DTX3L: variants seen among roughly 807,000 people sequenced by gnomAD.
DTX3L encodes deltex E3 ubiquitin ligase 3L.
A neutral mutation model predicts 60.9 loss-of-function variants in DTX3L; 34 were observed. The observed-to-expected ratio is 0.56, with a 90% CI of 0.42 to 0.74. The LOEUF (loss-of-function observed/expected upper bound fraction) is 0.74. Ranked by LOEUF, DTX3L falls within the 30% of genes least tolerant of loss-of-function variation. The pLI is 0.00. For synonymous variants in DTX3L, 290 were observed against 316.6 expected, an observed-to-expected ratio of 0.92 and a Z score of 0.89; for missense variants, 810 against 874.0, an observed-to-expected ratio of 0.93 and a Z score of 0.92.
chr3:122,571,908 G>A lies in DTX3L; in HGVS notation c.*161G>A, dbSNP rs1490355542. On this transcript the variant is annotated 3_prime_UTR_variant, in exon 5 of 5. Transcript: ENST00000296161. ...AACAATCTGCTAGTCTGTCATTTCT[G>A]GAGTGATACTTTTTTTTTTGAGACG... 8.7e-6 allele frequency: 5 copies of A among 577,794 alleles called. No homozygotes were observed. The highest frequency in any genetic ancestry group is 3.7e-5 in the African/African-American group (2 of 53,380). 35.8% of individuals were successfully genotyped at this position (577,794 alleles called of 1,614,324 possible).
chr3:122,566,215 A>G, intron 2 of DTX3L, 145 bp downstream of exon 2: 1 of 692,266 alleles, frequency 1.4e-6, no homozygotes, highest in Non-Finnish European at 2.4e-6. Context: ...GATGAATATA[A>G]CAGACAAGGC....
At chr3:122,570,919 A>G (rs940791900) in intron 4 of DTX3L, among the ~76,000 whole-genome samples, 4 of 152,186 alleles carry the variant, frequency 2.6e-5, no homozygotes, top group South Asian at 2.1e-4. Context: ...TGAATCCGAG[A>G]TGAATACTAT....
rs9883767 is a variant in DTX3L at position 122,573,277 on chromosome 3, A to G, written c.*1530A>G. ...GCTTCACCTCCAACACTGAGGATCA[A>G]ATTTCAACATGAGATTTGGAGGAGG... On this transcript the variant is annotated 3_prime_UTR_variant, in exon 5 of 5. Coordinates refer to ENST00000296161, the MANE Select transcript of DTX3L (RefSeq NM_138287.3). 27,142 of 152,172 alleles carry G rather than the reference A, an allele frequency of 0.18. 3,193 individuals carry two copies. The highest frequency in any genetic ancestry group is 0.33 in the African/African-American group (13,699 of 41,468). 9.4% of individuals were successfully genotyped at this position (152,172 alleles called of 1,614,324 possible). A position where few individuals can be genotyped will look rare whatever the true frequency, so the allele number is the denominator to read the frequency against.
In DTX3L at chr3:122,572,468, A is replaced by G. The variant is rs978500552; in HGVS notation, c.*721A>G. 19 of 152,142 alleles carry G rather than the reference A, an allele frequency of 1.2e-4. No homozygotes were observed. Among genetic ancestry groups the G allele is most frequent in the African/African-American group, 4.6e-4 (19 of 41,422 alleles). The allele number at this position is 152,142 out of a possible 1,614,324, so 9.4% of individuals were successfully genotyped here. A position where few individuals can be genotyped will look rare whatever the true frequency, so the allele number is the denominator to read the frequency against. ...GAAATTCTATTGTAAATGGGAGGAA[A>G]AAGGGTTGGTTGTGAAAAATTAAAG... On this transcript the variant is annotated 3_prime_UTR_variant, in exon 5 of 5. Coordinates refer to ENST00000296161, the MANE Select transcript of DTX3L (RefSeq NM_138287.3).
intron 1 of DTX3L, 43 bp downstream of exon 1, chr3:122,564,656 C>G (rs1412274251): frequency 6.4e-6 from 10 of 1,556,218 alleles, no homozygotes; most frequent in Non-Finnish European, 8.7e-6. Context: ...TCTGGGGGCC[C>G]GGCCCCCGGG....
rs1328882010 is a variant in DTX3L at position 122,564,417 on chromosome 3, G to A, written c.-10G>A. ...CCCGGAGCCCCCGCGCCCTCCCGAC[G>A]CGCAGAGCCATGGCCTCCCACCTGC... On this transcript the variant is annotated 5_prime_UTR_variant, in exon 1 of 5. Coordinates refer to ENST00000296161, the MANE Select transcript of DTX3L (RefSeq NM_138287.3). 3 of 1,604,354 alleles carry A rather than the reference G, an allele frequency of 1.9e-6. No individual in the cohort carries two copies. Among genetic ancestry groups the A allele is most frequent in the Admixed American group, 1.7e-5 (1 of 59,074 alleles).
chr3:122,571,881 A>T lies in DTX3L; in HGVS notation c.*134A>T, dbSNP rs1417417152. 2.9e-6 allele frequency: 2 copies of T among 690,550 alleles called. No individual in the cohort carries two copies. Among genetic ancestry groups the T allele is most frequent in the African/African-American group, 3.6e-5 (2 of 55,338 alleles). The allele number at this position is 690,550 out of a possible 1,614,324, so 42.8% of individuals were successfully genotyped here. On this transcript the variant is annotated 3_prime_UTR_variant, in exon 5 of 5. Transcript: ENST00000296161. ...TTCTCAAGAAATGGTTTGTATAAGAATAACAATCTGCTAGTCTGTCATTTC... is the reference window on the plus strand; with the variant it reads ...TTCTCAAGAAATGGTTTGTATAAGATTAACAATCTGCTAGTCTGTCATTTC...
intron 2 of DTX3L, among the ~76,000 whole-genome samples, chr3:122,567,382 A>G (rs574708983): frequency 6.6e-6 from 1 of 152,316 alleles, no homozygotes; most frequent in South Asian, 2.1e-4. Flanking sequence ...GTGAAAGATG[A>G]TAATGGCATG....
chr3:122,570,993 G>A (rs2080641873), intron 4 of DTX3L, among the ~76,000 whole-genome samples: 1 of 152,258 alleles, frequency 6.6e-6, no homozygotes, highest in East Asian at 1.9e-4. Flanking sequence ...ATGTCACTTT[G>A]CTTCCTTTTA....
chr3:122,568,472 T>C lies in DTX3L; in HGVS notation c.400-17T>C, dbSNP rs769757381. 1 of 1,576,862 alleles carries C rather than the reference T, an allele frequency of 6.3e-7. No homozygotes were observed. On this transcript the variant is annotated splice_polypyrimidine_tract_variant and intron_variant, in intron 2 of 4. Coordinates refer to ENST00000296161, the MANE Select transcript of DTX3L (RefSeq NM_138287.3). Reference sequence around the variant, plus strand: ...GCTGAGAGGTTTTATTTGTTCCTGTTCCTTTTAAAATTTCAGATCTTTCTT... The same window carrying C: ...GCTGAGAGGTTTTATTTGTTCCTGTCCCTTTTAAAATTTCAGATCTTTCTT...
In DTX3L at chr3:122,568,889, T is replaced by C; in HGVS notation, c.800T>C (p.Ile267Thr). ...AAAAGATTTGGTGTAAACATTGAAATCCAGGAGAGTTCTCCAAATATGGTC... is the reference window on the plus strand; with the variant it reads ...AAAAGATTTGGTGTAAACATTGAAACCCAGGAGAGTTCTCCAAATATGGTC... ...IEKRFGVNIEIQESSPNMVCL... is the reference protein window; with the variant it reads ...IEKRFGVNIETQESSPNMVCL... The change falls in exon 3 of 5, where the codon ATC becomes ACC. Residue 267 changes from isoleucine (I) to threonine (T), a missense_variant. By Grantham distance (89) the Ile-to-Thr change is moderately conservative. Transcript: ENST00000296161. The C allele has an allele frequency of 6.2e-7, 1 of 1,614,074 alleles. No individual in the cohort carries two copies. The highest frequency in any genetic ancestry group is 8.5e-7 in the Non-Finnish European group (1 of 1,180,020).
Position 122,569,983 on chromosome 3 carries a change from A to G in DTX3L, c.1894A>G (p.Thr632Ala), listed in dbSNP as rs1260057069. ...DSLPGYESFGTIVITYSMKAG... is the reference protein window; with the variant it reads ...DSLPGYESFGAIVITYSMKAG... ...ACTTCCAGGTTATGAGTCCTTTGGC[A>G]CCATTGTGATTACTTATTCTATGAA... Residue 632 changes from threonine to alanine, a missense_variant, in exon 3 of 5, where the codon ACC (threonine) becomes GCC (alanine). Transcript: ENST00000296161. 2 of 1,614,098 alleles carry G rather than the reference A, an allele frequency of 1.2e-6. No individual in the cohort carries two copies. The highest frequency in any genetic ancestry group is 2.2e-5 in the East Asian group (1 of 44,880).
chr3:122,569,019 C>T lies in DTX3L; in HGVS notation c.930C>T (p.Val310=), dbSNP rs964609253. The T allele has an allele frequency of 1.5e-5, 25 of 1,614,134 alleles. No individual in the cohort carries two copies. Among genetic ancestry groups the T allele is most frequent in the African/African-American group, 2.7e-5 (2 of 75,028 alleles). The change falls in exon 3 of 5, where the codon GTC becomes GTT. Residue 310 remains valine, a synonymous_variant. Transcript: ENST00000296161. ...CAGAACCTCTGAAGCAAGAATGTGTCTCTTTAGCAGACAGTAAGCAGGCAA... is the reference window on the plus strand; with the variant it reads ...CAGAACCTCTGAAGCAAGAATGTGTTTCTTTAGCAGACAGTAAGCAGGCAA... The part of the protein sequence containing the change: ...KNTEPLKQEC[V]SLADSKQANK...
Position 122,569,537 on chromosome 3 carries a change from T to C in DTX3L, c.1448T>C (p.Phe483Ser), listed in dbSNP as rs1239903062. The C allele has an allele frequency of 1.9e-6, 3 of 1,614,254 alleles. No individual in the cohort carries two copies. The South Asian group carries it at 3.3e-5, about 18-fold the overall frequency. Residue 483 changes from phenylalanine (F) to serine (S), a missense_variant, in exon 3 of 5, where the codon TTT (phenylalanine) becomes TCT (serine). Coordinates refer to ENST00000296161, the MANE Select transcript of DTX3L (RefSeq NM_138287.3). Reference protein sequence around the residue: ...DFRKRHPNVHFVLNQESMTLT... With the variant: ...DFRKRHPNVHSVLNQESMTLT... ...AGAAAAAGACATCCAAATGTACACT[T>C]TGTGCTAAATCAAGAGTCAATGACT...
rs1265797792 is a variant in DTX3L at position 122,565,248 on chromosome 3, C to G, written c.188-611C>G. ...GGAGACTGGGCCGGGTGCGGTGGCTCACGCCTGTAATCCTAGCACTTTGGA... is the reference window on the plus strand; with the variant it reads ...GGAGACTGGGCCGGGTGCGGTGGCTGACGCCTGTAATCCTAGCACTTTGGA... On this transcript the variant is annotated intron_variant, in intron 1 of 4. Transcript: ENST00000296161. 2.0e-5 allele frequency among the ~76,000 whole-genome samples: 3 copies of G among 152,044 alleles called. No individual in the cohort carries two copies. In the East Asian group the frequency reaches 5.8e-4, roughly 29 times the overall value.
At position 122,569,419 on chromosome 3, in the gene DTX3L, G is replaced by A. The variant is rs2080627928; in HGVS notation, c.1330G>A (p.Ala444Thr). 6.2e-7 allele frequency: 1 copy of A among 1,614,170 alleles called. No individual in the cohort carries two copies. The highest frequency in any genetic ancestry group is 8.5e-7 in the Non-Finnish European group (1 of 1,180,032). ...YASFIDAFQH[A>T]SCQLMREVLL... ...AAGTTTCATCGATGCCTTTCAACATGCCTCATGTCAGTTGATGAGAGAAGT... is the reference window on the plus strand; with the variant it reads ...AAGTTTCATCGATGCCTTTCAACATACCTCATGTCAGTTGATGAGAGAAGT... The change falls in exon 3 of 5, where the codon GCC (alanine) becomes ACC (threonine). Residue 444 changes from alanine (A) to threonine (T), a missense_variant. Ala to Thr is a moderately conservative substitution (Grantham distance 58). Transcript: ENST00000296161.
In DTX3L at chr3:122,569,595, G is replaced by A. The variant is rs778662010; in HGVS notation, c.1506G>A (p.Ala502=). ...GTTTGCCAAATCACCTTGCAAAGGC[G>A]AAGCAGTATGTTCTAAAAGGAGGAG... is the stretch of plus-strand genomic sequence containing the variant. The part of the protein sequence containing the change: ...LTGLPNHLAK[A]KQYVLKGGGM... Residue 502 remains alanine (A), a synonymous_variant, in exon 3 of 5, where the codon GCG becomes GCA. Coordinates refer to ENST00000296161, the MANE Select transcript of DTX3L (RefSeq NM_138287.3). 4.6e-5 allele frequency: 74 copies of A among 1,614,086 alleles called. 1 individual carries two copies. Among genetic ancestry groups the A allele is most frequent in the Admixed American group, 6.7e-5 (4 of 60,004 alleles).
intron 4 of DTX3L, among the ~76,000 whole-genome samples, chr3:122,571,153 C>G (rs185646608): frequency 3.0e-4 from 46 of 152,066 alleles, no homozygotes; most frequent in Admixed American, 6.5e-4. Flanking sequence ...TTATGAAACC[C>G]AAATAGGATT....
Position 122,572,900 on chromosome 3 carries a change from C to T in DTX3L, c.*1153C>T, listed in dbSNP as rs1026393870. 4 of 152,078 alleles carry T rather than the reference C, an allele frequency of 2.6e-5. No individual in the cohort carries two copies. The highest frequency in any genetic ancestry group is 9.7e-5 in the African/African-American group (4 of 41,406). The allele number at this position is 152,078 out of a possible 1,614,324, so 9.4% of individuals were successfully genotyped here. A position where few individuals can be genotyped will look rare whatever the true frequency, so the allele number is the denominator to read the frequency against. ...ACACAAGACTATCATTTTTAATGAC[C>T]AAGAGCCTAGTATATAGTTGGTGCC... On this transcript the variant is annotated 3_prime_UTR_variant, in exon 5 of 5. Transcript: ENST00000296161.
Sources: allele counts gnomAD v4.1 joint callset (sites outside exome capture counted in the v4.1 genomes callset), GRCh38; gene constraint gnomAD v4.1.1; transcripts MANE v1.5; gene names NCBI Gene and HGNC (gene_info 2026-07-23, HGNC 2026-07-21).